DLGAP2: variants seen among roughly 807,000 people sequenced by gnomAD.
The protein encoded by DLGAP2 is DLG associated protein 2.
In DLGAP2, 26 loss-of-function variants were observed where a neutral mutation model predicts 100.3. The observed-to-expected ratio is 0.26, with a 90% CI of 0.19 to 0.36. The LOEUF is 0.36. DLGAP2 is among the 10% of genes least tolerant of loss of function. The probability of loss-of-function intolerance (pLI) is 1.00; values close to 1 mark genes in which losing one functional copy is unlikely to be tolerated. For synonymous variants in DLGAP2, 886 were observed against 630.1 expected (o/e 1.41, Z -6.08); for missense variants, 1,858 against 1,453.2 (o/e 1.28, Z -4.53).
At chr8:1,013,446 G>A (rs188230497) in intron 2 of DLGAP2, among the ~76,000 whole-genome samples, 2 of 152,170 alleles carry the variant, frequency 1.3e-5, no homozygotes, top group Non-Finnish European at 2.9e-5. Context: ...TGGACCAGCA[G>A]GAATCGGAAT....
At chr8:881,890 A>G (rs1456016268) in intron 1 of DLGAP2, among the ~76,000 whole-genome samples, 1 of 152,096 alleles carries the variant, frequency 6.6e-6, no homozygotes, top group Non-Finnish European at 1.5e-5. Context: ...GTCACAGAGA[A>G]AATATAAATT....
intron 6 of DLGAP2, among the ~76,000 whole-genome samples, chr8:1,598,001 G>C (rs961873156): frequency 1.4e-4 from 21 of 152,170 alleles, no homozygotes; most frequent in Non-Finnish European, 4.4e-5. Flanking sequence ...TATTGGCTGT[G>C]GGTTTGTCAT....
At chr8:783,281 C>T (rs760682382) in intron 1 of DLGAP2, among the ~76,000 whole-genome samples, 27 of 152,168 alleles carry the variant, frequency 1.8e-4, no homozygotes, top group Admixed American at 5.9e-4. Context: ...GCACTCTGTT[C>T]CCTTGGAAAC....
At chr8:980,252 T>C (rs934435899) in intron 2 of DLGAP2, among the ~76,000 whole-genome samples, 2 of 152,068 alleles carry the variant, frequency 1.3e-5, no homozygotes, top group African/African-American at 4.8e-5. Context: ...TGGGAGGAAA[T>C]ATCCATAGAA....
At chr8:1,184,624 G>C (rs547729576) in intron 2 of DLGAP2, among the ~76,000 whole-genome samples, 163 of 152,316 alleles carry the variant, frequency 1.1e-3, no homozygotes, top group African/African-American at 3.6e-3. Flanking sequence ...CCGAGCCTGG[G>C]GCTGGAGTGC....
intron 3 of DLGAP2, among the ~76,000 whole-genome samples, chr8:1,496,369 G>A (rs183490919): frequency 3.9e-5 from 6 of 152,210 alleles, no homozygotes; most frequent in African/African-American, 1.4e-4. Context: ...TCTGTCCTCT[G>A]AGTATGCGCT....
Position 1,267,302 on chromosome 8 carries a change from C to G in DLGAP2, c.106+8419C>G, listed in dbSNP as rs189626715. On this transcript the variant is annotated intron_variant, in intron 3 of 14. Transcript: ENST00000637795. ...ATAAAAAGGTCTGGGTGCAGTGGCT[C>G]ACGCCTGTAATTCCAGCACTTTGGG... Among the ~76,000 whole-genome samples the G allele has an allele frequency of 3.2e-4, 49 of 150,874 alleles. No homozygotes were observed. The East Asian group carries it at 9.2e-3, about 28-fold the overall frequency.
chr8:1,170,249 G>A (rs1477883664), intron 2 of DLGAP2, among the ~76,000 whole-genome samples: 1 of 152,168 alleles, frequency 6.6e-6, no homozygotes, highest in African/African-American at 2.4e-5. Context: ...GTTCATGCTG[G>A]ATAAGCTTTT....
rs553062020 is a variant in DLGAP2, at chr8:1,531,245, T to C, written c.173-17381T>C. Among the ~76,000 whole-genome samples the C allele has an allele frequency of 2.0e-5, 3 of 149,978 alleles. No homozygotes were observed. In the East Asian group the frequency reaches 5.8e-4, roughly 29 times the overall value. Reference sequence around the variant, plus strand: ...GATATTATTAGAGAGCGTGTGCGTGTGTGTGTGTGTGTGTGTGTGTGTGTG... The same window carrying C: ...GATATTATTAGAGAGCGTGTGCGTGCGTGTGTGTGTGTGTGTGTGTGTGTG... On this transcript the variant is annotated intron_variant, in intron 4 of 14. Coordinates refer to ENST00000637795, the MANE Select transcript of DLGAP2 (RefSeq NM_001346810.2).
intron 1 of DLGAP2, among the ~76,000 whole-genome samples, chr8:877,282 C>G (rs1293685870): frequency 6.6e-6 from 1 of 152,146 alleles, no homozygotes; most frequent in Admixed American, 6.5e-5. Flanking sequence ...AGTGGTCCTT[C>G]CCCCACACCT....
At chr8:1,197,949 C>G (rs1338036314) in intron 2 of DLGAP2, among the ~76,000 whole-genome samples, 1 of 152,186 alleles carries the variant, frequency 6.6e-6, no homozygotes, top group African/African-American at 2.4e-5. Flanking sequence ...ACATGTGCAT[C>G]TGTCCTCACC....
intron 2 of DLGAP2, among the ~76,000 whole-genome samples, chr8:1,080,360 C>T (rs557511102): frequency 1.4e-4 from 21 of 152,294 alleles, no homozygotes; most frequent in African/African-American, 5.1e-4. Context: ...CTGCAGCTGC[C>T]GTCTCTTTAG....
At chr8:904,950 A>G (rs1798345468) in intron 1 of DLGAP2, among the ~76,000 whole-genome samples, 3 of 152,322 alleles carry the variant, frequency 2.0e-5, no homozygotes, top group Non-Finnish European at 2.9e-5. Context: ...TTCCTGCTCC[A>G]GCCAGAGCCG....
chr8:1,352,145 T>G (rs1801746077), intron 3 of DLGAP2, among the ~76,000 whole-genome samples: 1 of 100,490 alleles, frequency 1.0e-5, no homozygotes, highest in African/African-American at 3.7e-5. Flanking sequence ...GTCCTGACTG[T>G]GTGTGGAAAG....
At chr8:1,176,437 T>A (rs1797258300) in intron 2 of DLGAP2, among the ~76,000 whole-genome samples, 1 of 152,194 alleles carries the variant, frequency 6.6e-6, no homozygotes, top group South Asian at 2.1e-4. Context: ...TGGGTGTTTG[T>A]TCTGAGTATT....
chr8:1,691,337 G>A (rs548898871), intron 12 of DLGAP2, among the ~76,000 whole-genome samples, 198 bp from the exon 13 acceptor site: 26 of 152,276 alleles, frequency 1.7e-4, no homozygotes, highest in African/African-American at 5.8e-4. Flanking sequence ...AGTGACATCT[G>A]GTCATCTCTG....
At chr8:884,794 A>T (rs1797889625) in intron 1 of DLGAP2, among the ~76,000 whole-genome samples, 1 of 151,996 alleles carries the variant, frequency 6.6e-6, no homozygotes, top group Admixed American at 6.6e-5. Flanking sequence ...ATCCATCTTG[A>T]GTTAATTTTT....
At chr8:1,130,854 G>C (rs1437851041) in intron 2 of DLGAP2, among the ~76,000 whole-genome samples, 2 of 140,112 alleles carry the variant, frequency 1.4e-5, no homozygotes, top group African/African-American at 4.9e-5. Flanking sequence ...ATGAGGGGAA[G>C]GGTGGCCTCT....
chr8:1,509,001 C>T (rs1049993497), intron 4 of DLGAP2, among the ~76,000 whole-genome samples: 1 of 152,058 alleles, frequency 6.6e-6, no homozygotes, highest in African/African-American at 2.4e-5. Flanking sequence ...CTGGTCACTG[C>T]CAGCAAATTT....
Sources: gnomAD v4.1 joint callset for allele counts (sites outside exome capture counted in the v4.1 genomes callset) on GRCh38, gnomAD v4.1.1 for gene constraint, MANE v1.5 for transcripts, NCBI Gene and HGNC (gene_info 2026-07-23, HGNC 2026-07-21) for gene names.